Variants in CD300LG observed in about 807,000 individuals in gnomAD.
CD300LG encodes the protein CMRF35-like molecule 9.
Under a neutral mutation model 31.5 loss-of-function variants are expected in CD300LG, and 29 were observed. The ratio of observed to expected loss-of-function variants is 0.92; its 90% CI spans 0.68 to 1.25. CD300LG has a LOEUF of 1.25. Ranked by LOEUF, CD300LG falls within the 50% of genes most tolerant of loss-of-function variation. CD300LG has a pLI of 0.00. For missense variants in CD300LG, 396 were observed against 417.6 expected (o/e 0.95, Z 0.45); for synonymous variants, 175 against 177.2 (o/e 0.99, Z 0.10).
Position 43,861,828 on chromosome 17 carries a change from G to A in CD300LG, c.916G>A (p.Ala306Thr), listed in dbSNP as rs201577385. ...GGAGGAAAAGGAAGCCCCTTCCCAG[G>A]CCCCTGAGGGGGACGTGATCTCGAT... The part of the protein sequence containing the change: ...TAEEKEAPSQ[A>T]PEGDVISMPP... Residue 306 changes from alanine (A) to threonine (T), a missense_variant, in exon 7 of 7, where the codon GCC becomes ACC. Transcript: ENST00000317310. The A allele has an allele frequency of 1.2e-6, 2 of 1,611,218 alleles. No individual in the cohort carries two copies. The highest frequency in any genetic ancestry group is 4.5e-5 in the East Asian group (2 of 44,624).
rs1223070866 is a variant in CD300LG at position 43,855,196 on chromosome 17, C to T, written c.720-11C>T. The T allele has an allele frequency of 1.3e-6, 2 of 1,583,194 alleles. No individual in the cohort carries two copies. The highest frequency in any genetic ancestry group is 1.7e-6 in the Non-Finnish European group (2 of 1,164,736). On this transcript the variant is annotated splice_polypyrimidine_tract_variant and intron_variant, in intron 4 of 6. Coordinates refer to ENST00000317310, the MANE Select transcript of CD300LG (RefSeq NM_145273.4). ...GTAACAGCCACTAGGCTCCTTGCGT[C>T]TCGTCTCCAGGGTGTCCATCCCGAT...
chr17:43,860,064 G>A (rs2046621055), intron 6 of CD300LG, among the ~76,000 whole-genome samples: 2 of 152,120 alleles, frequency 1.3e-5, no homozygotes. Flanking sequence ...ACAAGATTTG[G>A]CTCAAACATC....
At chr17:43,861,370 C>T in intron 6 of CD300LG, 1 of 779,120 alleles carries the variant, frequency 1.3e-6, no homozygotes, top group Non-Finnish European at 1.6e-6. Flanking sequence ...TCCCCAAACC[C>T]CACACCCCCG....
At chr17:43,847,407 A>T in intron 1 of CD300LG, 148 bp downstream of exon 1, 32 of 655,984 alleles carry the variant, frequency 4.9e-5, no homozygotes, top group Middle Eastern at 5.2e-4. Flanking sequence ...GGGTGGGGGG[A>T]GGTGGGGGTG....
intron 6 of CD300LG, chr17:43,857,449 C>T (rs1336130142): frequency 6.5e-7 from 1 of 1,537,100 alleles, no homozygotes; most frequent in African/African-American, 1.4e-5. Flanking sequence ...GCCTTCTTTC[C>T]ATCCCCCCTT....
Position 43,855,251 on chromosome 17 carries a change from T to C in CD300LG, c.764T>C (p.Leu255Pro), listed in dbSNP as rs2046483037. Residue 255 changes from leucine (L) to proline (P), a missense_variant, in exon 5 of 7, where the codon CTG (leucine) becomes CCG (proline). By Grantham distance (98) the Leu-to-Pro change is moderately conservative. Transcript: ENST00000317310. ...CGCATACTGGCCCCAGTCCTGGTGCTGCTGAGCCTTCTGTCAGCCGCAGGC... is the reference window on the plus strand; with the variant it reads ...CGCATACTGGCCCCAGTCCTGGTGCCGCTGAGCCTTCTGTCAGCCGCAGGC... ...MVRILAPVLVLLSLLSAAGLI... is the reference protein window; with the variant it reads ...MVRILAPVLVPLSLLSAAGLI... 1 of 1,610,490 alleles carries C rather than the reference T, an allele frequency of 6.2e-7. No homozygotes were observed. The highest frequency in any genetic ancestry group is 1.1e-5 in the South Asian group (1 of 89,952).
intron 4 of CD300LG, among the ~76,000 whole-genome samples, chr17:43,854,304 C>A (rs879485028): frequency 6.6e-6 from 1 of 152,222 alleles, no homozygotes; most frequent in Admixed American, 6.5e-5. Flanking sequence ...GCCCCAGCCT[C>A]AGGGACGGCC....
intron 2 of CD300LG, among the ~76,000 whole-genome samples, chr17:43,851,372 A>G (rs1175837528): frequency 1.3e-5 from 2 of 152,210 alleles, no homozygotes; most frequent in Non-Finnish European, 2.9e-5. Flanking sequence ...TTTGGATTTC[A>G]GATTCCTGGA....
chr17:43,849,037 G>T, intron 2 of CD300LG, 144 bp downstream of exon 2: 1 of 752,734 alleles, frequency 1.3e-6, no homozygotes, highest in Non-Finnish European at 2.1e-6. Context: ...AGCAAGGCTT[G>T]GGGCACAGAA....
rs760420111 is a variant in CD300LG, at chr17:43,854,006, C to T, written c.681C>T (p.Asp227=). Residue 227 remains aspartate (D), a synonymous_variant, in exon 4 of 7, where the codon GAC becomes GAT. Transcript: ENST00000317310. ...PMQLDSTSAE[D]TSPALSSGSS... Reference sequence around the variant, plus strand: ...AGCTGGACTCCACCTCAGCAGAGGACACCAGTCCAGCTCTCAGCAGTGGCA... The same window carrying T: ...AGCTGGACTCCACCTCAGCAGAGGATACCAGTCCAGCTCTCAGCAGTGGCA... 20 of 1,614,208 alleles carry T rather than the reference C, an allele frequency of 1.2e-5. No homozygotes were observed. In the South Asian group the frequency reaches 1.4e-4, roughly 12 times the overall value.
At chr17:43,849,089 C>T (rs993595748) in intron 2 of CD300LG, 196 bp downstream of exon 2, 7 of 607,784 alleles carry the variant, frequency 1.2e-5, no homozygotes, top group East Asian at 5.5e-5. Context: ...TCTTGCTGCC[C>T]GAGGTCACAC....
At chr17:43,853,440 G>A (rs1436998448) in intron 3 of CD300LG, among the ~76,000 whole-genome samples, 2 of 152,168 alleles carry the variant, frequency 1.3e-5, no homozygotes, top group Non-Finnish European at 2.9e-5. Flanking sequence ...CCCTTCTGGT[G>A]AGGAAGGAGG....
chr17:43,847,213 C>T lies in CD300LG; in HGVS notation c.-4C>T, dbSNP rs1388767914. On this transcript the variant is annotated 5_prime_UTR_variant, in exon 1 of 7. Coordinates refer to ENST00000317310, the MANE Select transcript of CD300LG (RefSeq NM_145273.4). ...GTCTGCTCCCACGGTGTCCAGCGCC[C>T]AGAATGCGGCTTCTGGTCCTGCTAT... is the stretch of plus-strand genomic sequence containing the variant. 8 of 1,613,890 alleles carry T rather than the reference C, an allele frequency of 5.0e-6. No individual in the cohort carries two copies. The highest frequency in any genetic ancestry group is 6.8e-6 in the Non-Finnish European group (8 of 1,179,878).
In CD300LG at chr17:43,863,610, A is replaced by G. The variant is rs537632310; in HGVS notation, c.*1699A>G. 1 of 152,234 alleles carries G rather than the reference A, an allele frequency of 6.6e-6. No homozygotes were observed. The highest frequency in any genetic ancestry group is 6.5e-5 in the Admixed American group (1 of 15,290). 9.4% of individuals were successfully genotyped at this position (152,234 alleles called of 1,614,324 possible). ...TGTTTTACAGACCTTTTTATAAATA[A>G]AATGTTCATCAGCTGCATATTCCAT... is the stretch of plus-strand genomic sequence containing the variant. On this transcript the variant is annotated 3_prime_UTR_variant, in exon 7 of 7. Coordinates refer to ENST00000317310, the MANE Select transcript of CD300LG (RefSeq NM_145273.4).
At chr17:43,858,140 G>A (rs2046578452) in intron 6 of CD300LG, 1 of 1,297,824 alleles carries the variant, frequency 7.7e-7, no homozygotes, top group Non-Finnish European at 9.9e-7. Context: ...TGGCGCCAGT[G>A]AGGACAAAAG....
intron 6 of CD300LG, among the ~76,000 whole-genome samples, chr17:43,859,770 C>T (rs1345571435): frequency 6.6e-6 from 1 of 152,214 alleles, no homozygotes; most frequent in Non-Finnish European, 1.5e-5. Context: ...TGGGAATTGC[C>T]TTACCCCTCC....
chr17:43,853,705 G>T (rs1163911721), intron 3 of CD300LG, 102 bp from the exon 4 acceptor site: 6 of 907,764 alleles, frequency 6.6e-6, no homozygotes, highest in African/African-American at 1.7e-5. Flanking sequence ...CCGAGAAACG[G>T]GTCCCAGGGA....
chr17:43,857,076 G>C (rs2046543430), intron 5 of CD300LG, 28 bp from the exon 6 acceptor site: 3 of 1,613,576 alleles, frequency 1.9e-6, no homozygotes, highest in East Asian at 4.5e-5. Flanking sequence ...CTGGCTTCAA[G>C]GGGCTCCTCC....
At chr17:43,854,997 C>T (rs769348159) in intron 4 of CD300LG, among the ~76,000 whole-genome samples, 5 of 152,108 alleles carry the variant, frequency 3.3e-5, no homozygotes, top group East Asian at 1.9e-4. Context: ...AGCCTGGCTC[C>T]GGGGTCTGCG....
Sources: gnomAD v4.1 joint callset for allele counts (sites outside exome capture counted in the v4.1 genomes callset) on GRCh38, gnomAD v4.1.1 for gene constraint, MANE v1.5 for transcripts, NCBI Gene and HGNC (gene_info 2026-07-23, HGNC 2026-07-21) for gene names.